The following TNIK variants were observed in gnomAD, a reference collection of about 807,000 sequenced individuals.
TNIK encodes TRAF2 and NCK interacting kinase.
In TNIK, 49 loss-of-function variants were observed where a neutral mutation model predicts 191.3. The observed-to-expected ratio is 0.26, with a 90% CI of 0.20 to 0.32. The LOEUF is 0.32. Ranked by LOEUF, TNIK falls within the 10% of genes least tolerant of loss-of-function variation. TNIK has a pLI of 1.00. For missense variants in TNIK, 1,155 were observed against 1,702.3 expected (o/e 0.68, Z 5.66); for synonymous variants, 594 against 600.9 (o/e 0.99, Z 0.17).
chr3:171,211,328 T>C, intron 3 of TNIK, 87 bp from the exon 4 acceptor site: 3 of 1,430,176 alleles, frequency 2.1e-6, no homozygotes, highest in Non-Finnish European at 2.8e-6. Flanking sequence ...AAATTTTTTC[T>C]TGTTTTTTCT....
chr3:171,316,254 T>G (rs572138529), intron 2 of TNIK, among the ~76,000 whole-genome samples: 1 of 152,212 alleles, frequency 6.6e-6, no homozygotes, highest in South Asian at 2.1e-4. Flanking sequence ...AATCGTTGAA[T>G]GAATGTATGG....
intron 23 of TNIK, among the ~76,000 whole-genome samples, chr3:171,090,346 T>A (rs1425776172): frequency 6.6e-6 from 1 of 152,136 alleles, no homozygotes; most frequent in African/African-American, 2.4e-5. Context: ...ATACCCTAAA[T>A]CTTCCTTTAC....
intron 2 of TNIK, among the ~76,000 whole-genome samples, chr3:171,316,831 G>A (rs1296348392): frequency 6.6e-6 from 1 of 151,246 alleles, no homozygotes; most frequent in African/African-American, 2.4e-5. Flanking sequence ...ATTTACCCAT[G>A]CAACTACTAT....
chr3:171,101,693 C>A, intron 21 of TNIK, 60 bp from the exon 22 acceptor site: 1 of 1,536,856 alleles, frequency 6.5e-7, no homozygotes, highest in Non-Finnish European at 8.8e-7. Context: ...CTACATCTCT[C>A]AGCAAGTCAG....
chr3:171,302,666 T>A (rs559651915), intron 2 of TNIK, among the ~76,000 whole-genome samples: 1 of 152,350 alleles, frequency 6.6e-6, no homozygotes, highest in Non-Finnish European at 1.5e-5. Flanking sequence ...ATGAATGAAT[T>A]CATTATATGT....
rs1295441433 is a variant in TNIK, at chr3:171,211,135, C to G, written c.287G>C (p.Gly96Ala). Residue 96 changes from glycine to alanine, a missense_variant, in exon 4 of 33, where the codon GGC (glycine) becomes GCC (alanine). By Grantham distance (60) the Gly-to-Ala change is moderately conservative. This residue lies in a region of TNIK where 225 missense variants were observed against 438.9 expected (regional missense o/e 0.51). Transcript: ENST00000436636. ...ACATACCCAAAGTTGGTCATCCATG[C>G]CTGGTGGGTTCTTTTTGATAAAAGC... ...YGAFIKKNPP[G>A]MDDQLWLVME... is the part of the protein sequence containing the mutation. 2 of 1,612,790 alleles carry G rather than the reference C, an allele frequency of 1.2e-6. No homozygotes were observed. Among genetic ancestry groups the G allele is most frequent in the Non-Finnish European group, 1.7e-6 (2 of 1,179,462 alleles).
intron 1 of TNIK, among the ~76,000 whole-genome samples, chr3:171,396,897 A>G (rs1720325471): frequency 1.3e-5 from 2 of 152,212 alleles, no homozygotes; most frequent in South Asian, 4.1e-4. Context: ...AAGATGGAAT[A>G]TAAAAATGGA....
At chr3:171,095,263 C>T (rs766614495) in intron 22 of TNIK, among the ~76,000 whole-genome samples, 2 of 152,162 alleles carry the variant, frequency 1.3e-5, no homozygotes, top group Non-Finnish European at 2.9e-5. Flanking sequence ...ACTGACTGCT[C>T]ATAGTGAGCT....
chr3:171,139,673 T>G, intron 13 of TNIK, 117 bp from the exon 14 acceptor site: 14 of 813,398 alleles, frequency 1.7e-5, no homozygotes, highest in East Asian at 5.2e-5. Context: ...AGGGGAAAAA[T>G]ACCCAAATAC....
At chr3:171,195,256 A>G (rs1738549274) in intron 4 of TNIK, among the ~76,000 whole-genome samples, 1 of 152,250 alleles carries the variant, frequency 6.6e-6, no homozygotes. Flanking sequence ...CTTATAAAAT[A>G]GGCAGAAAAT....
intron 2 of TNIK, among the ~76,000 whole-genome samples, chr3:171,239,764 C>T (rs778637998): frequency 8.5e-5 from 13 of 152,212 alleles, no homozygotes; most frequent in Non-Finnish European, 4.4e-5. Context: ...CATAATCCTT[C>T]AAAGTGATGG....
At chr3:171,117,921 G>A (rs957444290) in intron 18 of TNIK, among the ~76,000 whole-genome samples, 20 of 152,082 alleles carry the variant, frequency 1.3e-4, no homozygotes, top group African/African-American at 2.4e-4. Flanking sequence ...AGTGAGCCAC[G>A]ATCGCGCCAC....
At chr3:171,263,406 A>C (rs1367669271) in intron 2 of TNIK, among the ~76,000 whole-genome samples, 1 of 152,192 alleles carries the variant, frequency 6.6e-6, no homozygotes, top group Non-Finnish European at 1.5e-5. Flanking sequence ...GAGAAATAAG[A>C]CGTTTACACT....
chr3:171,156,980 AT>A (rs1056088497), intron 12 of TNIK, among the ~76,000 whole-genome samples: 36 of 152,242 alleles, frequency 2.4e-4, no homozygotes, highest in Non-Finnish European at 1.3e-4. Context: ...ACAGATATTT[AT>A]GAGGCACCTA....
chr3:171,247,973 C>T (rs780313813), intron 2 of TNIK, among the ~76,000 whole-genome samples: 3 of 152,062 alleles, frequency 2.0e-5, no homozygotes, highest in East Asian at 1.9e-4. Flanking sequence ...CCTGAGGTCT[C>T]GCTGAAGATG....
At position 171,406,625 on chromosome 3, in the gene TNIK, G is replaced by A. The variant is rs79094655; in HGVS notation, c.58-36940C>T. Reference sequence around the variant, plus strand: ...ATCTCTTATTTTTCTGGTAGAGACAGGATCTCACTGTTGCCCAGGCTGGAC... The same window carrying A: ...ATCTCTTATTTTTCTGGTAGAGACAAGATCTCACTGTTGCCCAGGCTGGAC... On this transcript the variant is annotated intron_variant, in intron 1 of 32. Transcript: ENST00000436636. 7.4e-3 allele frequency among the ~76,000 whole-genome samples: 1,134 copies of A among 152,246 alleles called. 14 individuals are homozygous for A. The highest frequency in any genetic ancestry group is 0.025 in the African/African-American group (1,024 of 41,532).
At chr3:171,373,553 G>A (rs1716820222) in intron 1 of TNIK, among the ~76,000 whole-genome samples, 1 of 151,998 alleles carries the variant, frequency 6.6e-6, no homozygotes, top group Non-Finnish European at 1.5e-5. Flanking sequence ...TTCCTTCTAA[G>A]CTATTCTCCA....
chr3:171,208,155 A>T (rs940558860), intron 4 of TNIK, among the ~76,000 whole-genome samples: 1 of 152,160 alleles, frequency 6.6e-6, no homozygotes, highest in African/African-American at 2.4e-5. Flanking sequence ...AGAAAGTGAG[A>T]CAAAAAAATA....
chr3:171,370,493 T>G (rs1285800659), intron 1 of TNIK, among the ~76,000 whole-genome samples: 1 of 152,222 alleles, frequency 6.6e-6, no homozygotes, highest in African/African-American at 2.4e-5. Flanking sequence ...TAAAATTCTA[T>G]TCAGAGGCAG....
Sources: allele counts gnomAD v4.1 joint callset (sites outside exome capture counted in the v4.1 genomes callset), GRCh38; gene constraint gnomAD v4.1.1; regional missense constraint gnomAD v4.1.1; transcripts MANE v1.5; gene names NCBI Gene and HGNC (gene_info 2026-07-23, HGNC 2026-07-21).